NAT10: variants seen among roughly 807,000 people sequenced by gnomAD.
NAT10 encodes RNA cytidine acetyltransferase.
Under a neutral mutation model 132.2 loss-of-function variants are expected in NAT10, and 109 were observed. The observed-to-expected ratio is 0.82, with a 90% CI of 0.71 to 0.97. NAT10 has a LOEUF of 0.97. Among genes scored for constraint, NAT10 ranks in the 50% least tolerant of loss-of-function variants. The pLI is 0.00. For synonymous variants in NAT10, 479 were observed against 478.0 expected, an observed-to-expected ratio of 1.00 and a Z score of -0.03; for missense variants, 1,184 against 1,263.4, an observed-to-expected ratio of 0.94 and a Z score of 0.95.
At chr11:34,107,079 T>C (rs1376042281) in intron 1 of NAT10, 2 of 143,832 alleles carry the variant, frequency 1.4e-5, no homozygotes, top group African/African-American at 2.6e-5. Context: ...TCGCCTAGGC[T>C]GGAGTGCAAT....
At chr11:34,130,369 C>T (rs1291512385) in intron 12 of NAT10, among the ~76,000 whole-genome samples, 2 of 152,112 alleles carry the variant, frequency 1.3e-5, no homozygotes, top group African/African-American at 2.4e-5. Flanking sequence ...CCTTATGCAC[C>T]GTACTTCTAA....
chr11:34,117,765 A>G (rs909657020), intron 6 of NAT10, among the ~76,000 whole-genome samples: 5 of 152,074 alleles, frequency 3.3e-5, no homozygotes, highest in Non-Finnish European at 7.4e-5. Context: ...CCTAGTGACA[A>G]AAGATGAATT....
chr11:34,123,711 T>C, intron 9 of NAT10, 51 bp from the exon 10 acceptor site: 19 of 1,350,052 alleles, frequency 1.4e-5, no homozygotes, highest in Non-Finnish European at 2.0e-5. Context: ...AAATTGTTTC[T>C]TTAAGATGTT....
chr11:34,136,556 G>A lies in NAT10; in HGVS notation c.2029-86G>A, dbSNP rs1326705327. On this transcript the variant is annotated intron_variant, in intron 19 of 28. Coordinates refer to ENST00000257829, the MANE Select transcript of NAT10 (RefSeq NM_024662.3). ...CCTCTCCCAGTTTTTGTTGTGCTAA[G>A]TCCAGAGTGCGCTGCGGCAGGGTGC... 3 of 1,546,830 alleles carry A rather than the reference G, an allele frequency of 1.9e-6. No homozygotes were observed. The African/African-American group carries it at 4.1e-5, about 21-fold the overall frequency.
chr11:34,138,970 T>C (rs1224246006), intron 21 of NAT10: 3 of 540,320 alleles, frequency 5.6e-6, no homozygotes, highest in Non-Finnish European at 1.0e-5. Context: ...TTGAGGAGAT[T>C]GCAGGACAGT....
At chr11:34,127,715 G>A in intron 12 of NAT10, 116 bp downstream of exon 12, 1 of 1,322,016 alleles carries the variant, frequency 7.6e-7, no homozygotes, top group Non-Finnish European at 1.0e-6. Context: ...GAGTCTCTGA[G>A]TGTTTGAGGC....
chr11:34,115,787 A>G, intron 5 of NAT10, 36 bp from the exon 6 acceptor site: 1 of 1,611,000 alleles, frequency 6.2e-7, no homozygotes, highest in South Asian at 1.1e-5. Context: ...CACTGTTTGC[A>G]TGCCTTTGTT....
chr11:34,112,236 C>G lies in NAT10; in HGVS notation c.372+13C>G, dbSNP rs1405609809. The G allele has an allele frequency of 1.2e-6, 2 of 1,614,056 alleles. No homozygotes were observed. Among genetic ancestry groups the G allele is most frequent in the Admixed American group, 1.7e-5 (1 of 60,014 alleles). On this transcript the variant is annotated intron_variant, in intron 4 of 28. Coordinates refer to ENST00000257829, the MANE Select transcript of NAT10 (RefSeq NM_024662.3). ...GTGTGTGCTGCAGGTGGGTGGCTTC[C>G]TCTAACCTGTGATTGAAGTCAGAGT...
In NAT10 at chr11:34,143,443, A is replaced by G. The variant is rs1431625660; in HGVS notation, c.2886-2A>G. The G allele has an allele frequency of 6.2e-7, 1 of 1,603,376 alleles. No individual in the cohort carries two copies. The highest frequency in any genetic ancestry group is 8.5e-7 in the Non-Finnish European group (1 of 1,174,368). The stretch of plus-strand genomic sequence containing the variant: ...CTTTGATAGTTCCCTTCTTTTTTTT[A>G]GATACATAATCCGTGGGGACGATGA... On this transcript the variant is annotated splice_acceptor_variant, in intron 27 of 28. Transcript: ENST00000257829. LOFTEE classifies it high-confidence loss of function.
At chr11:34,115,643 G>A (rs915760330) in intron 5 of NAT10, among the ~76,000 whole-genome samples, 180 bp from the exon 6 acceptor site, 5 of 152,210 alleles carry the variant, frequency 3.3e-5, no homozygotes, top group East Asian at 1.9e-4. Context: ...AATAAGCAAC[G>A]TTGCATTCAG....
intron 20 of NAT10, 34 bp downstream of exon 20, chr11:34,136,809 C>G: frequency 6.2e-7 from 1 of 1,613,988 alleles, no homozygotes; most frequent in Non-Finnish European, 8.5e-7. Context: ...GGCATCACTC[C>G]TTGGCATTGA....
At chr11:34,137,138 G>T (rs2132975571) in intron 21 of NAT10, 112 bp downstream of exon 21, 1 of 1,191,134 alleles carries the variant, frequency 8.4e-7, no homozygotes, top group African/African-American at 1.5e-5. Context: ...CTGAGCAGGT[G>T]GCTGTGCCTC....
chr11:34,129,805 C>T (rs1852072594), intron 12 of NAT10, among the ~76,000 whole-genome samples: 1 of 151,702 alleles, frequency 6.6e-6, no homozygotes, highest in Admixed American at 6.6e-5. Flanking sequence ...GACGGGGTTT[C>T]ACCATGTTTG....
intron 22 of NAT10, 23 bp downstream of exon 22, chr11:34,139,310 G>T (rs757729277): frequency 1.2e-6 from 2 of 1,613,602 alleles, no homozygotes; most frequent in Admixed American, 3.3e-5. Flanking sequence ...TAGGGGTTTG[G>T]GGGAGACAAT....
At chr11:34,114,452 G>A (rs377228565) in intron 5 of NAT10, among the ~76,000 whole-genome samples, 1 of 152,276 alleles carries the variant, frequency 6.6e-6, no homozygotes, top group Non-Finnish European at 1.5e-5. Context: ...AATGGTGGTC[G>A]GATTGGACTT....
At chr11:34,141,686 ATCT>A in intron 25 of NAT10, 30 bp from the exon 26 acceptor site, 1 of 1,604,112 alleles carries the variant, frequency 6.2e-7, no homozygotes, top group South Asian at 1.1e-5. Flanking sequence ...CTGCTCCTTC[ATCT>A]TCTGCTTCTC....
chr11:34,135,772 G>A (rs765847353), intron 19 of NAT10, among the ~76,000 whole-genome samples: 4 of 152,120 alleles, frequency 2.6e-5, no homozygotes, highest in Non-Finnish European at 4.4e-5. Context: ...TGAGGCAGCT[G>A]GGCAACATGG....
At chr11:34,140,873 G>A (rs1224236613) in intron 24 of NAT10, among the ~76,000 whole-genome samples, 1 of 151,670 alleles carries the variant, frequency 6.6e-6, no homozygotes, top group African/African-American at 2.4e-5. Context: ...TGTGAAGCAG[G>A]TATTTGTCAG....
intron 7 of NAT10, 23 bp downstream of exon 7, chr11:34,118,317 G>T: frequency 6.2e-7 from 1 of 1,612,342 alleles, no homozygotes; most frequent in Non-Finnish European, 8.5e-7. Context: ...TGGGGTCCAG[G>T]AATCTGGGGG....
Sources: gnomAD v4.1 joint callset for allele counts (sites outside exome capture counted in the v4.1 genomes callset) on GRCh38, gnomAD v4.1.1 for gene constraint, MANE v1.5 for transcripts, NCBI Gene and HGNC (gene_info 2026-07-23, HGNC 2026-07-21) for gene names.